Variants in UBE2E2 observed in about 807,000 individuals in gnomAD.
The protein encoded by UBE2E2 is ubiquitin conjugating enzyme E2 E2, also known as ubiquitin-conjugating enzyme E2 E2.
Under a neutral mutation model 24.7 loss-of-function variants are expected in UBE2E2, and 6 were observed. That is an observed-to-expected ratio of 0.24 (90% CI 0.13 to 0.48). The LOEUF (loss-of-function observed/expected upper bound fraction) is 0.48, where lower values mean the gene tolerates loss of function less well. UBE2E2 is among the 20% of genes least tolerant of loss of function. UBE2E2 has a pLI of 0.99. For missense variants in UBE2E2, 169 were observed against 245.0 expected (o/e 0.69, Z 2.07); for synonymous variants, 104 against 83.6 (o/e 1.24, Z -1.33).
At chr3:23,278,698 C>T (rs545660945) in intron 3 of UBE2E2, among the ~76,000 whole-genome samples, 1 of 152,078 alleles carries the variant, frequency 6.6e-6, no homozygotes, top group South Asian at 2.1e-4. Flanking sequence ...ACGTATTGAG[C>T]AATCATGTAA....
intron 5 of UBE2E2, among the ~76,000 whole-genome samples, chr3:23,539,876 T>G (rs890846757): frequency 5.9e-5 from 9 of 152,080 alleles, no homozygotes; most frequent in Non-Finnish European, 1.3e-4. Context: ...ATAGGAAATA[T>G]TAGGTAAAAT....
At chr3:23,500,778 A>G (rs1370381166) in intron 4 of UBE2E2, among the ~76,000 whole-genome samples, 1 of 152,210 alleles carries the variant, frequency 6.6e-6, no homozygotes, top group Non-Finnish European at 1.5e-5. Flanking sequence ...AGCAAAAAGT[A>G]GTAGCTATAA....
rs192718698 is a variant in UBE2E2, at chr3:23,591,740, C to T, written c.*1909C>T. The T allele has an allele frequency of 7.2e-5, 11 of 152,300 alleles. No homozygotes were observed. Among genetic ancestry groups the T allele is most frequent in the East Asian group, 1.9e-4 (1 of 5,190 alleles). 9.4% of individuals were successfully genotyped at this position (152,300 alleles called of 1,614,324 possible). ...TGGGGGCTGGATGAAAAACAAATAA[C>T]GATGTGTCATTTCTTTCTTTAACAT... On this transcript the variant is annotated 3_prime_UTR_variant, in exon 6 of 6. Coordinates refer to ENST00000396703, the MANE Select transcript of UBE2E2 (RefSeq NM_152653.4).
intron 3 of UBE2E2, among the ~76,000 whole-genome samples, chr3:23,385,107 C>T (rs917691841): frequency 3.9e-5 from 6 of 152,104 alleles, no homozygotes; most frequent in Non-Finnish European, 7.4e-5. Context: ...ATGAAAAATA[C>T]TTCTAATGAT....
At position 23,551,824 on chromosome 3, in the gene UBE2E2, T is replaced by C. The variant is rs79427683; in HGVS notation, c.508+19123T>C. On this transcript the variant is annotated intron_variant, in intron 5 of 5. Coordinates refer to ENST00000396703, the MANE Select transcript of UBE2E2 (RefSeq NM_152653.4). ...TCGTATAAGGGTGTGTGCTACGGACTGAACTGTGTTCTCCCCAAAATTAAT... is the reference window on the plus strand; with the variant it reads ...TCGTATAAGGGTGTGTGCTACGGACCGAACTGTGTTCTCCCCAAAATTAAT... 2.3e-3 allele frequency among the ~76,000 whole-genome samples: 353 copies of C among 152,332 alleles called. 3 individuals carry two copies. The highest frequency in any genetic ancestry group is 8.0e-3 in the African/African-American group (332 of 41,588).
chr3:23,323,336 T>G (rs1694795315), intron 3 of UBE2E2, among the ~76,000 whole-genome samples: 2 of 152,162 alleles, frequency 1.3e-5, no homozygotes, highest in Admixed American at 1.3e-4. Context: ...GTCATGGTAG[T>G]ACTTACTGTC....
chr3:23,395,104 A>G (rs1221035794), intron 3 of UBE2E2, among the ~76,000 whole-genome samples: 6 of 152,176 alleles, frequency 3.9e-5, no homozygotes, highest in Admixed American at 3.9e-4. Context: ...ACTTGGTCAG[A>G]AGGAGGAGCG....
chr3:23,417,502 G>A (rs992551226), intron 3 of UBE2E2, among the ~76,000 whole-genome samples: 3 of 152,188 alleles, frequency 2.0e-5, no homozygotes, highest in African/African-American at 7.2e-5. Context: ...GCTAGGAGGT[G>A]TCTCCCAGTC....
At chr3:23,577,614 A>T (rs147843511) in intron 5 of UBE2E2, among the ~76,000 whole-genome samples, 2 of 152,386 alleles carry the variant, frequency 1.3e-5, no homozygotes, top group Non-Finnish European at 2.9e-5. Flanking sequence ...ATGTAGAAGC[A>T]GTTGCTGATA....
chr3:23,392,109 A>G (rs1040756599), intron 3 of UBE2E2, among the ~76,000 whole-genome samples: 2 of 152,180 alleles, frequency 1.3e-5, no homozygotes, highest in East Asian at 3.8e-4. Flanking sequence ...GATTATCTAC[A>G]TAACAAGAGT....
intron 3 of UBE2E2, among the ~76,000 whole-genome samples, chr3:23,339,390 T>C (rs925758879): frequency 2.6e-5 from 4 of 152,072 alleles, no homozygotes; most frequent in African/African-American, 9.7e-5. Context: ...TTGAATAAGG[T>C]TTATAGATCA....
chr3:23,347,077 C>T lies in UBE2E2; in HGVS notation c.227+129765C>T, dbSNP rs577368707. Among the ~76,000 whole-genome samples, 20 of 152,300 alleles carry T rather than the reference C, an allele frequency of 1.3e-4. 2 individuals are homozygous for T. Among genetic ancestry groups the T allele is most frequent in the African/African-American group, 4.6e-4 (19 of 41,568 alleles). On this transcript the variant is annotated intron_variant, in intron 3 of 5. Transcript: ENST00000396703. Reference sequence around the variant, plus strand: ...CTCTCTTTACATCCCTGCCCACCTCCACTTTCTGCTGTTAAGAATAGTCCA... The same window carrying T: ...CTCTCTTTACATCCCTGCCCACCTCTACTTTCTGCTGTTAAGAATAGTCCA...
intron 3 of UBE2E2, among the ~76,000 whole-genome samples, chr3:23,398,706 A>G (rs997923687): frequency 3.9e-5 from 6 of 152,150 alleles, no homozygotes; most frequent in African/African-American, 1.4e-4. Context: ...AAACTGTTAG[A>G]AATTGTTTCT....
At chr3:23,396,303 T>TTATA (rs34255787) in intron 3 of UBE2E2, among the ~76,000 whole-genome samples, 35 of 128,032 alleles carry the variant, frequency 2.7e-4, no homozygotes, top group African/African-American at 3.5e-4. Flanking sequence ...CATTTATTTT[T>TTATA]TATATATATA....
rs980273281 is a variant in UBE2E2 at position 23,589,603 on chromosome 3, C to G, written c.509-131C>G. 1 of 827,756 alleles carries G rather than the reference C, an allele frequency of 1.2e-6. No homozygotes were observed. Among genetic ancestry groups the G allele is most frequent in the African/African-American group, 1.7e-5 (1 of 59,216 alleles). The allele number at this position is 827,756 out of a possible 1,614,324, so 51.3% of individuals were successfully genotyped here. On this transcript the variant is annotated intron_variant, in intron 5 of 5. Coordinates refer to ENST00000396703, the MANE Select transcript of UBE2E2 (RefSeq NM_152653.4). This position sits in a 1 kb window ranked among gnomAD's most constrained non-coding sequence, Gnocchi z 4.1. ...GTCAGCAGCAGGTGACTGGCTCAGC[C>G]GCAGCAATGGTGGTCCAGGTTAGAA...
At chr3:23,290,511 G>T (rs1295892263) in intron 3 of UBE2E2, among the ~76,000 whole-genome samples, 1 of 151,790 alleles carries the variant, frequency 6.6e-6, no homozygotes, top group Non-Finnish European at 1.5e-5. Context: ...TGAACTAGGG[G>T]CTTGCTTTGT....
At chr3:23,230,380 G>A (rs1411503117) in intron 3 of UBE2E2, among the ~76,000 whole-genome samples, 1 of 152,160 alleles carries the variant, frequency 6.6e-6, no homozygotes. Context: ...ATAGTTCAAT[G>A]TGTTGCTTAT....
At chr3:23,398,048 C>T (rs180706988) in intron 3 of UBE2E2, among the ~76,000 whole-genome samples, 3 of 152,108 alleles carry the variant, frequency 2.0e-5, no homozygotes, top group Admixed American at 6.5e-5. Context: ...CGCGGTGGCT[C>T]ACACCTGTAA....
At chr3:23,314,452 TTA>T (rs1694515511) in intron 3 of UBE2E2, among the ~76,000 whole-genome samples, 1 of 152,138 alleles carries the variant, frequency 6.6e-6, no homozygotes, top group African/African-American at 2.4e-5. Flanking sequence ...TTTGTTGGGT[TTA>T]TGTTTTTATC....
Sources: gnomAD v4.1 joint callset for allele counts (sites outside exome capture counted in the v4.1 genomes callset) on GRCh38, gnomAD v4.1.1 for gene constraint, Gnocchi (gnomAD v3.1) non-coding constraint, MANE v1.5 for transcripts, NCBI Gene and HGNC (gene_info 2026-07-23, HGNC 2026-07-21) for gene names.